The following NDFIP1 variants were observed in gnomAD, a reference collection of about 807,000 sequenced individuals.
NDFIP1 encodes NEDD4 family-interacting protein 1.
Under a neutral mutation model 28.8 loss-of-function variants are expected in NDFIP1, and 7 were observed. The ratio of observed to expected loss-of-function variants is 0.24; its 90% confidence interval spans 0.14 to 0.46. The LOEUF is 0.46. Ranked by LOEUF, NDFIP1 falls within the 20% of genes least tolerant of loss-of-function variation. The pLI, the probability that NDFIP1 is intolerant of heterozygous loss-of-function variation, is 0.99. For synonymous variants in NDFIP1, 92 were observed against 101.0 expected (o/e 0.91, Z 0.53); for missense variants, 194 against 269.1 (o/e 0.72, Z 1.95).
intron 1 of NDFIP1, among the ~76,000 whole-genome samples, chr5:142,120,445 G>A (rs1369511405): frequency 6.6e-6 from 1 of 152,152 alleles, no homozygotes; most frequent in Non-Finnish European, 1.5e-5. Flanking sequence ...GCTTTCTTGG[G>A]TCTGCTGAGT....
At chr5:142,120,990 A>G (rs1757117329) in intron 1 of NDFIP1, among the ~76,000 whole-genome samples, 1 of 152,226 alleles carries the variant, frequency 6.6e-6, no homozygotes, top group Non-Finnish European at 1.5e-5. Context: ...GAGCAAGCAT[A>G]GCTTTTGGAA....
chr5:142,116,436 T>C (rs1757069537), intron 1 of NDFIP1, among the ~76,000 whole-genome samples: 2 of 151,912 alleles, frequency 1.3e-5, no homozygotes, highest in African/African-American at 4.8e-5. Context: ...TGGCGCAATC[T>C]TGGCACACTG....
intron 1 of NDFIP1, among the ~76,000 whole-genome samples, chr5:142,111,400 A>G (rs1448475413): frequency 2.0e-5 from 3 of 152,116 alleles, no homozygotes; most frequent in African/African-American, 4.8e-5. Context: ...TTGGTCACTA[A>G]GAATGTTTAC....
chr5:142,132,151 GA>G (rs1202660967), intron 2 of NDFIP1, 60 bp from the exon 3 acceptor site: 1 of 1,580,874 alleles, frequency 6.3e-7, no homozygotes, highest in African/African-American at 1.4e-5. Context: ...AGAGTTAGTG[GA>G]ACTCCTTTTA....
rs191109882 is a variant in NDFIP1, at chr5:142,119,393, A to C, written c.63+10356A>C. Among the ~76,000 whole-genome samples the C allele has an allele frequency of 7.9e-5, 12 of 152,344 alleles. No homozygotes were observed. In the East Asian group the frequency reaches 2.3e-3, roughly 29 times the overall value. ...TACAGTTCCTTTGCCTTTAGTCTTAAAAACTCTACTTATTTCCAAATGTTA... is the reference window on the plus strand; with the variant it reads ...TACAGTTCCTTTGCCTTTAGTCTTACAAACTCTACTTATTTCCAAATGTTA... On this transcript the variant is annotated intron_variant, in intron 1 of 7. Coordinates refer to ENST00000253814, the MANE Select transcript of NDFIP1 (RefSeq NM_030571.4).
intron 1 of NDFIP1, among the ~76,000 whole-genome samples, chr5:142,113,778 A>C (rs1329555596): frequency 6.6e-6 from 1 of 152,148 alleles, no homozygotes; most frequent in African/African-American, 2.4e-5. Context: ...TACCGTAGGT[A>C]CCTCTCATAA....
At chr5:142,141,020 T>C (rs892391429) in intron 6 of NDFIP1, among the ~76,000 whole-genome samples, 8 of 152,194 alleles carry the variant, frequency 5.3e-5, no homozygotes, top group Non-Finnish European at 8.8e-5. Flanking sequence ...TAAGTGCAGG[T>C]GGCCCATCTT....
intron 6 of NDFIP1, among the ~76,000 whole-genome samples, chr5:142,142,325 T>C (rs149454043): frequency 6.6e-6 from 1 of 152,268 alleles, no homozygotes; most frequent in East Asian, 1.9e-4. Flanking sequence ...TTTTTTCCTC[T>C]ATTGATTATT....
rs114735158 is a variant in NDFIP1, at chr5:142,113,958, C to T, written c.63+4921C>T. Among the ~76,000 whole-genome samples, 533 of 152,242 alleles carry T rather than the reference C, an allele frequency of 3.5e-3. 2 individuals carry two copies. The highest frequency in any genetic ancestry group is 0.012 in the African/African-American group (516 of 41,540). On this transcript the variant is annotated intron_variant, in intron 1 of 7. Transcript: ENST00000253814. ...TTTTGTTTATGCATTCATTTGTTGA[C>T]GGATGCTTGGTTTGCTTCTACCTTT...
chr5:142,141,384 G>T (rs1295409804), intron 6 of NDFIP1, among the ~76,000 whole-genome samples: 1 of 151,724 alleles, frequency 6.6e-6, no homozygotes, highest in African/African-American at 2.4e-5. Context: ...TACCGTGTTG[G>T]CCAGGATGGT....
In NDFIP1 at chr5:142,130,227, A is replaced by G. The variant is rs540160743; in HGVS notation, c.64-1581A>G. Among the ~76,000 whole-genome samples the G allele has an allele frequency of 6.6e-4, 100 of 152,374 alleles. 2 individuals are homozygous for G. Among genetic ancestry groups the G allele is most frequent in the Admixed American group, 6.5e-3 (100 of 15,314 alleles). On this transcript the variant is annotated intron_variant, in intron 1 of 7. Transcript: ENST00000253814. ...AGTTCATTGTCACACTGGACTGGAA[A>G]AACCAAATGAAATGTCTTTATTCTA...
At chr5:142,132,126 TG>T in intron 2 of NDFIP1, 85 bp from the exon 3 acceptor site, 2 of 1,487,678 alleles carry the variant, frequency 1.3e-6, no homozygotes, top group Non-Finnish European at 1.8e-6. Flanking sequence ...AGGGAATGGC[TG>T]GGTTTTGTCT....
Position 142,152,302 on chromosome 5 carries a change from C to G in NDFIP1, c.*574C>G, listed in dbSNP as rs1202335036. Reference sequence around the variant, plus strand: ...ATTTAAGGTGTGGTCAAAAATAAGTCTTTAATTGGTAAATAATAAGCATTA... The same window carrying G: ...ATTTAAGGTGTGGTCAAAAATAAGTGTTTAATTGGTAAATAATAAGCATTA... On this transcript the variant is annotated 3_prime_UTR_variant, in exon 8 of 8. Coordinates refer to ENST00000253814, the MANE Select transcript of NDFIP1 (RefSeq NM_030571.4). The G allele has an allele frequency of 6.6e-6, 1 of 152,496 alleles. No homozygotes were observed. Among genetic ancestry groups the G allele is most frequent in the African/African-American group, 2.4e-5 (1 of 41,394 alleles). The allele number at this position is 152,496 out of a possible 1,614,324, so 9.4% of individuals were successfully genotyped here.
chr5:142,120,943 A>G (rs937573980), intron 1 of NDFIP1, among the ~76,000 whole-genome samples: 1 of 152,224 alleles, frequency 6.6e-6, no homozygotes, highest in African/African-American at 2.4e-5. Flanking sequence ...TTTCCCACCC[A>G]TAATGTCTAC....
chr5:142,131,092 C>A (rs1478125563), intron 1 of NDFIP1, among the ~76,000 whole-genome samples: 1 of 151,678 alleles, frequency 6.6e-6, no homozygotes, highest in East Asian at 1.9e-4. Context: ...GTAGCTAGAA[C>A]CACAGGTGCA....
At chr5:142,130,912 A>G (rs973742955) in intron 1 of NDFIP1, among the ~76,000 whole-genome samples, 1 of 152,084 alleles carries the variant, frequency 6.6e-6, no homozygotes, top group African/African-American at 2.4e-5. Flanking sequence ...AGCTTTTTTC[A>G]TGTAATAATA....
chr5:142,148,750 CA>C (rs60681858), intron 7 of NDFIP1, among the ~76,000 whole-genome samples: 7,498 of 21,714 alleles, frequency 0.35, 949 homozygotes, highest in African/African-American at 0.39. Context: ...GACTCTGTCT[CA>C]AAAAAAAAAA....
At chr5:142,135,856 T>C (rs915996959) in intron 4 of NDFIP1, 39 bp downstream of exon 4, 1 of 1,434,940 alleles carries the variant, frequency 7.0e-7, no homozygotes, top group Non-Finnish European at 9.8e-7. Context: ...CCCTACAAAC[T>C]AGAGTGCTTT....
At chr5:142,114,369 G>GA (rs1395381974) in intron 1 of NDFIP1, among the ~76,000 whole-genome samples, 27 of 152,226 alleles carry the variant, frequency 1.8e-4, no homozygotes, top group African/African-American at 6.5e-4. Context: ...TTTCTTTAGA[G>GA]AAAATGTGTA....
Sources: gnomAD v4.1 joint callset for allele counts (sites outside exome capture counted in the v4.1 genomes callset) on GRCh38, gnomAD v4.1.1 for gene constraint, MANE v1.5 for transcripts, NCBI Gene and HGNC (gene_info 2026-07-23, HGNC 2026-07-21) for gene names.